MED15: variants seen among roughly 807,000 people sequenced by gnomAD.
The protein encoded by MED15 is mediator of RNA polymerase II transcription subunit 15.
Under a neutral mutation model 118.7 loss-of-function variants are expected in MED15, and 41 were observed. The ratio of observed to expected loss-of-function variants is 0.35; its 90% CI spans 0.27 to 0.45. The LOEUF (loss-of-function observed/expected upper bound fraction) is 0.45. Ranked by LOEUF, MED15 falls within the 20% of genes least tolerant of loss-of-function variation. The probability of loss-of-function intolerance (pLI) is 1.00; values close to 1 mark genes in which losing one functional copy is unlikely to be tolerated. For synonymous variants in MED15, 436 were observed against 413.9 expected (o/e 1.05, Z -0.65); for missense variants, 740 against 1,025.5 (o/e 0.72, Z 3.80).
intron 8 of MED15, among the ~76,000 whole-genome samples, chr22:20,572,737 A>G (rs1263979273): frequency 6.6e-6 from 1 of 152,198 alleles, no homozygotes; most frequent in Non-Finnish European, 1.5e-5. Flanking sequence ...TGGGCAACAC[A>G]GCGAGACCCT....
intron 8 of MED15, 41 bp from the exon 9 acceptor site, chr22:20,575,072 T>C (rs764149206): frequency 6.2e-7 from 1 of 1,610,708 alleles, no homozygotes; most frequent in Non-Finnish European, 8.5e-7. Context: ...CTGAGTTTCT[T>C]TGTTGCGATC....
At chr22:20,551,693 A>AT in intron 3 of MED15, 4 of 606,890 alleles carry the variant, frequency 6.6e-6, no homozygotes, top group Non-Finnish European at 8.8e-6. Context: ...AAAAATGCTG[A>AT]TTCTAGCATC....
At chr22:20,579,473 G>A (rs1307221808) in intron 9 of MED15, among the ~76,000 whole-genome samples, 3 of 152,004 alleles carry the variant, frequency 2.0e-5, no homozygotes, top group Non-Finnish European at 4.4e-5. Flanking sequence ...CCTGGGGAGT[G>A]CCTCCAGGGG....
intron 1 of MED15, among the ~76,000 whole-genome samples, chr22:20,511,821 A>G (rs1014887343): frequency 6.6e-6 from 1 of 152,018 alleles, no homozygotes; most frequent in African/African-American, 2.4e-5. Context: ...CCTAAAGTGT[A>G]GCCACTGCCC....
intron 3 of MED15, among the ~76,000 whole-genome samples, chr22:20,552,336 A>G (rs1013857095): frequency 7.2e-5 from 11 of 152,218 alleles, no homozygotes; most frequent in African/African-American, 2.7e-4. Context: ...TTGCTGGGTC[A>G]AAGGGAGACA....
intron 1 of MED15, chr22:20,508,381 C>T: frequency 7.7e-7 from 1 of 1,304,190 alleles, no homozygotes; most frequent in Non-Finnish European, 1.0e-6. Flanking sequence ...CCACCGACTG[C>T]TTGTTTCTGT....
intron 5 of MED15, among the ~76,000 whole-genome samples, chr22:20,557,723 C>A (rs1017391832): frequency 1.3e-5 from 2 of 152,224 alleles, no homozygotes; most frequent in African/African-American, 4.8e-5. Flanking sequence ...AGCTTGATAT[C>A]CTGCCCACGC....
At chr22:20,521,309 C>T (rs2054446329) in intron 1 of MED15, among the ~76,000 whole-genome samples, 1 of 151,510 alleles carries the variant, frequency 6.6e-6, no homozygotes, top group Non-Finnish European at 1.5e-5. Flanking sequence ...GTTGGCCAGG[C>T]TGGTCTCGAA....
intron 16 of MED15, 155 bp downstream of exon 16, chr22:20,585,422 C>T (rs573170781): frequency 9.6e-7 from 1 of 1,036,530 alleles, no homozygotes; most frequent in Admixed American, 2.7e-5. Flanking sequence ...ACACCGGGCT[C>T]CAGACAGCCT....
intron 1 of MED15, chr22:20,518,786 T>C (rs907024746): frequency 2.3e-5 from 10 of 435,542 alleles, no homozygotes; most frequent in African/African-American, 1.6e-4. Flanking sequence ...TAAACCGTTC[T>C]GAACTTCTCA....
Position 20,570,746 on chromosome 22 carries a change from C to CTTTTTTTTTTT in MED15, c.1152+2135_1152+2145dup, listed in dbSNP as rs61109389. Among the ~76,000 whole-genome samples the CTTTTTTTTTTT allele has an allele frequency of 2.5e-3, 155 of 62,100 alleles. 4 individuals carry two copies. Among genetic ancestry groups the CTTTTTTTTTTT allele is most frequent in the African/African-American group, 4.0e-3 (55 of 13,696 alleles). 40.7% of individuals were successfully genotyped at this position (62,100 alleles called of 152,430 possible). A position where few individuals can be genotyped will look rare whatever the true frequency, so the allele number is the denominator to read the frequency against. ...TTTTCTTTTCTTTCTTTCTTTCTTT[C>CTTTTTTTTTTT]TTTTTTTTTTTTTTTTTTTTTTTTT... On this transcript the variant is annotated intron_variant, in intron 8 of 17. Transcript: ENST00000263205.
intron 2 of MED15, among the ~76,000 whole-genome samples, chr22:20,548,847 C>T (rs983883444): frequency 6.6e-6 from 1 of 152,170 alleles, no homozygotes; most frequent in African/African-American, 2.4e-5. Context: ...CACTCTGTCG[C>T]CCAAGCTGGA....
intron 5 of MED15, 38 bp downstream of exon 5, chr22:20,555,186 T>A: frequency 6.6e-7 from 1 of 1,518,290 alleles, no homozygotes; most frequent in Non-Finnish European, 8.9e-7. Flanking sequence ...GCCGCTTTCC[T>A]TGCAAACGAC....
chr22:20,529,457 T>C (rs1331467997), intron 1 of MED15, among the ~76,000 whole-genome samples: 1 of 150,448 alleles, frequency 6.6e-6, no homozygotes, highest in Non-Finnish European at 1.5e-5. Flanking sequence ...AGAGTTTTAC[T>C]CTTGTCACCC....
intron 2 of MED15, among the ~76,000 whole-genome samples, chr22:20,540,446 T>C (rs1042643283): frequency 1.3e-5 from 2 of 152,090 alleles, no homozygotes; most frequent in African/African-American, 4.8e-5. Flanking sequence ...TGGTGGCGCG[T>C]GCCTGTAGTC....
At chr22:20,537,530 G>A (rs2055127887) in intron 2 of MED15, among the ~76,000 whole-genome samples, 10 of 152,206 alleles carry the variant, frequency 6.6e-5, no homozygotes, top group Admixed American at 6.5e-4. Context: ...AATGCCGTGA[G>A]CAAGAACCTG....
chr22:20,546,276 G>A (rs1463975206), intron 2 of MED15, among the ~76,000 whole-genome samples: 2 of 152,114 alleles, frequency 1.3e-5, no homozygotes, highest in African/African-American at 2.4e-5. Context: ...GTGCTAAATC[G>A]GAGAGCAGAG....
chr22:20,507,656 G>A lies in MED15; in HGVS notation c.-23G>A, dbSNP rs779370177. 3.2e-5 allele frequency: 51 copies of A among 1,613,718 alleles called. No homozygotes were observed. The highest frequency in any genetic ancestry group is 4.1e-5 in the Non-Finnish European group (48 of 1,179,838). On this transcript the variant is annotated 5_prime_UTR_variant, in exon 1 of 18. Transcript: ENST00000263205. ...GCGGTGGCGGCCAAGCGGGATACGG[G>A]CGGCGGGAGCTGGGGAACAGGCATG... is the stretch of plus-strand genomic sequence containing the variant.
chr22:20,522,987 G>A (rs1255913854), intron 1 of MED15: 1 of 152,216 alleles, frequency 6.6e-6, no homozygotes, highest in Non-Finnish European at 1.5e-5. Context: ...GGACTTGTGG[G>A]TGTAGTACTT....
Sources: gnomAD v4.1 joint callset for allele counts (sites outside exome capture counted in the v4.1 genomes callset) on GRCh38, gnomAD v4.1.1 for gene constraint, MANE v1.5 for transcripts, NCBI Gene and HGNC (gene_info 2026-07-23, HGNC 2026-07-21) for gene names.